The following ZFP69 variants were observed in gnomAD, a reference collection of about 807,000 sequenced individuals.
The protein encoded by ZFP69 is zinc finger protein 69 homolog.
In ZFP69, 35 loss-of-function variants were observed where a neutral mutation model predicts 48.9. The ratio of observed to expected loss-of-function variants is 0.72; its 90% CI spans 0.55 to 0.95. The LOEUF (loss-of-function observed/expected upper bound fraction) is 0.95, where lower values mean the gene tolerates loss of function less well. Among genes scored for constraint, ZFP69 ranks in the 40% least tolerant of loss-of-function variants. ZFP69 has a pLI of 0.00. For missense variants in ZFP69, 557 were observed against 638.4 expected (o/e 0.87, Z 1.37); for synonymous variants, 193 against 216.8 (o/e 0.89, Z 0.96).
chr1:40,495,165 T>C lies in ZFP69; in HGVS notation c.687T>C (p.Asn229=). Residue 229 remains asparagine (N), a synonymous_variant, in exon 6 of 6, where the codon AAT becomes AAC. Coordinates refer to ENST00000372706, the MANE Select transcript of ZFP69 (RefSeq NM_001320179.2). ...AAGAAACTAACAAATTTGGGGAAAA[T>C]ATCATTGTGCATTCAAATGTTATTA... ...RVQETNKFGE[N]IIVHSNVIIE... is the part of the protein sequence containing the mutation. The C allele has an allele frequency of 1.9e-6, 3 of 1,614,072 alleles. No homozygotes were observed. The highest frequency in any genetic ancestry group is 2.5e-6 in the Non-Finnish European group (3 of 1,180,010).
In ZFP69 at chr1:40,495,364, G is replaced by A; in HGVS notation, c.886G>A (p.Glu296Lys). The change falls in exon 6 of 6, where the codon GAG becomes AAG. Residue 296 changes from glutamate (E) to lysine (K), a missense_variant. Transcript: ENST00000372706. The part of the protein sequence containing the change: ...LTEHMRIHTG[E>K]KPFRCKECGR... The stretch of plus-strand genomic sequence containing the variant: ...TGAACATATGAGAATTCATACTGGT[G>A]AGAAACCTTTCAGATGTAAGGAATG... The A allele has an allele frequency of 1.2e-6, 2 of 1,614,192 alleles. No homozygotes were observed. The highest frequency in any genetic ancestry group is 1.7e-6 in the Non-Finnish European group (2 of 1,180,042).
At chr1:40,480,468 T>TC (rs1053754248) in intron 2 of ZFP69, among the ~76,000 whole-genome samples, 3 of 151,994 alleles carry the variant, frequency 2.0e-5, no homozygotes, top group Admixed American at 6.6e-5. Flanking sequence ...GATAGCAGTT[T>TC]TTTTTTTATT....
rs2124435888 is a variant in ZFP69, at chr1:40,477,771, G to T, written c.-450G>T. On this transcript the variant is annotated 5_prime_UTR_variant, in exon 1 of 6. Coordinates refer to ENST00000372706, the MANE Select transcript of ZFP69 (RefSeq NM_001320179.2). This position sits in a 1 kb window ranked among gnomAD's most constrained non-coding sequence, Gnocchi z 4.0. ...ATGTGGTCTGTCTATAAAAGGCCGGGAGGGAACAATATCTGTTACCACTCA... is the reference window on the plus strand; with the variant it reads ...ATGTGGTCTGTCTATAAAAGGCCGGTAGGGAACAATATCTGTTACCACTCA... 1 of 152,276 alleles carries T rather than the reference G, an allele frequency of 6.6e-6. No homozygotes were observed. Among genetic ancestry groups the T allele is most frequent in the South Asian group, 2.1e-4 (1 of 4,820 alleles). The allele number at this position is 152,276 out of a possible 1,614,324, so 9.4% of individuals were successfully genotyped here. A position where few individuals can be genotyped will look rare whatever the true frequency, so the allele number is the denominator to read the frequency against.
At position 40,496,131 on chromosome 1, in the gene ZFP69, C is replaced by CAGTGT; in HGVS notation, c.*72_*73insAGTGT. ...TTTAGAGTGCTTTAAAATTTCAGGACTCAGATATGAGGAATTGATGTAATG... is the reference window on the plus strand; with the variant it reads ...TTTAGAGTGCTTTAAAATTTCAGGACAGTGTTCAGATATGAGGAATTGATGTAATG... On this transcript the variant is annotated 3_prime_UTR_variant, in exon 6 of 6. Transcript: ENST00000372706. The CAGTGT allele has an allele frequency of 1.2e-5, 18 of 1,456,134 alleles. No individual in the cohort carries two copies. Among genetic ancestry groups the CAGTGT allele is most frequent in the Non-Finnish European group, 1.7e-5 (18 of 1,087,650 alleles). 90.2% of individuals were successfully genotyped at this position (1,456,134 alleles called of 1,614,324 possible). A position where few individuals can be genotyped will look rare whatever the true frequency, so the allele number is the denominator to read the frequency against.
At position 40,492,496 on chromosome 1, in the gene ZFP69, G is replaced by C. The variant is rs1395781156; in HGVS notation, c.443-2425G>C. Among the ~76,000 whole-genome samples the C allele has an allele frequency of 2.0e-5, 3 of 151,648 alleles. No homozygotes were observed. The East Asian group carries it at 5.8e-4, about 29-fold the overall frequency. Reference sequence around the variant, plus strand: ...TTTTCTGTCCTTACTCTAATGCCAGGCTGTCTTAAAAACTGTATCTCATAA... The same window carrying C: ...TTTTCTGTCCTTACTCTAATGCCAGCCTGTCTTAAAAACTGTATCTCATAA... On this transcript the variant is annotated intron_variant, in intron 5 of 5. Coordinates refer to ENST00000372706, the MANE Select transcript of ZFP69 (RefSeq NM_001320179.2).
In ZFP69 at chr1:40,489,573, G is replaced by C; in HGVS notation, c.391G>C (p.Gly131Arg). The change falls in exon 5 of 6, where the codon GGA becomes CGA. Residue 131 changes from glycine (G) to arginine (R), a missense_variant. Physicochemically the swap from Gly to Arg is moderately radical, Grantham distance 125. Coordinates refer to ENST00000372706, the MANE Select transcript of ZFP69 (RefSeq NM_001320179.2). ...KPSVISQLEK[G>R]EEPWMAEKEG... ...TAGTGTGATATCCCAGTTAGAGAAA[G>C]GAGAAGAGCCATGGATGGCAGAGAA... is the stretch of plus-strand genomic sequence containing the variant. The C allele has an allele frequency of 6.2e-7, 1 of 1,613,744 alleles. No individual in the cohort carries two copies.
intron 5 of ZFP69, 77 bp downstream of exon 5, chr1:40,489,701 A>G (rs991906501): frequency 1.8e-6 from 2 of 1,095,880 alleles, no homozygotes; most frequent in African/African-American, 3.2e-5. Flanking sequence ...TAAAGAAAAG[A>G]AGTTTAATTG....
chr1:40,491,763 ATG>A (rs1553129549), intron 5 of ZFP69, among the ~76,000 whole-genome samples: 70 of 129,428 alleles, frequency 5.4e-4, no homozygotes, highest in Admixed American at 8.3e-4. Context: ...GTGTGTGTGT[ATG>A]TGTGTGTGTG....
chr1:40,493,271 T>C (rs1645587978), intron 5 of ZFP69: 1 of 151,846 alleles, frequency 6.6e-6, no homozygotes, highest in South Asian at 2.1e-4. Flanking sequence ...AATAACAAAA[T>C]TGATTTTGAA....
rs56706952 is a variant in ZFP69 at position 40,483,226 on chromosome 1, A to ATTTTTTTTTTTTTTTTTTTTTTTTTTTT, written c.219+1392_219+1393insTTTTTTTTTTTTTTTTTTTTTTTTTTTT. On this transcript the variant is annotated intron_variant, in intron 3 of 5. Coordinates refer to ENST00000372706, the MANE Select transcript of ZFP69 (RefSeq NM_001320179.2). ...AAAATCAAACCATACACCTTTTTTA[A>ATTTTTTTTTTTTTTTTTTTTTTTTTTTT]TTTTTTTTTTTTTTTTTTTTAGAGA... is the stretch of plus-strand genomic sequence containing the variant. 4.3e-5 allele frequency among the ~76,000 whole-genome samples: 5 copies of ATTTTTTTTTTTTTTTTTTTTTTTTTTTT among 116,960 alleles called. 1 individual carries two copies. Among genetic ancestry groups the ATTTTTTTTTTTTTTTTTTTTTTTTTTTT allele is most frequent in the African/African-American group, 1.5e-4 (4 of 27,264 alleles). 76.7% of individuals were successfully genotyped at this position (116,960 alleles called of 152,430 possible).
At chr1:40,492,829 A>G (rs1645582423) in intron 5 of ZFP69, among the ~76,000 whole-genome samples, 1 of 152,102 alleles carries the variant, frequency 6.6e-6, no homozygotes, top group Admixed American at 6.6e-5. Flanking sequence ...TTTTTGTTAG[A>G]TTGATTCTGA....
At chr1:40,478,842 C>T (rs767838411) in intron 1 of ZFP69, among the ~76,000 whole-genome samples, 194 bp from the exon 2 acceptor site, 20 of 152,040 alleles carry the variant, frequency 1.3e-4, no homozygotes, top group Non-Finnish European at 2.6e-4. Context: ...CCGTCTGTGT[C>T]CAGGCAGAAG....
chr1:40,492,909 G>A (rs771456223), intron 5 of ZFP69, among the ~76,000 whole-genome samples: 12 of 152,106 alleles, frequency 7.9e-5, no homozygotes, highest in Admixed American at 5.9e-4. Flanking sequence ...CCTCAGTCGT[G>A]AACAGGTATA....
Position 40,479,096 on chromosome 1 carries a change from A to C in ZFP69, c.-266A>C. The C allele has an allele frequency of 2.9e-6, 1 of 350,652 alleles. No homozygotes were observed. The highest frequency in any genetic ancestry group is 5.4e-6 in the Non-Finnish European group (1 of 186,074). The allele number at this position is 350,652 out of a possible 1,614,324, so 21.7% of individuals were successfully genotyped here. A position where few individuals can be genotyped will look rare whatever the true frequency, so the allele number is the denominator to read the frequency against. ...CTCTTCCCTTCCCTTTTGCTCCTCT[A>C]AAGAGTATGGAGACATGAACTCAAA... On this transcript the variant is annotated 5_prime_UTR_variant, in exon 2 of 6. Coordinates refer to ENST00000372706, the MANE Select transcript of ZFP69 (RefSeq NM_001320179.2).
chr1:40,491,500 A>G (rs1343553474), intron 5 of ZFP69, among the ~76,000 whole-genome samples: 1 of 152,204 alleles, frequency 6.6e-6, no homozygotes, highest in East Asian at 1.9e-4. Flanking sequence ...GAGTTTCCAT[A>G]ACTCAGCATC....
intron 5 of ZFP69, among the ~76,000 whole-genome samples, chr1:40,494,256 ATTTTTTTTTTTTT>A (rs11286167): frequency 2.5e-4 from 13 of 52,032 alleles, no homozygotes; most frequent in Non-Finnish European, 2.0e-4. Context: ...AAGATTCAAA[ATTTTTTTTTTTTT>A]TTTTTTTTTT....
At chr1:40,493,528 C>T (rs1430448379) in intron 5 of ZFP69, 1 of 152,148 alleles carries the variant, frequency 6.6e-6, no homozygotes. Context: ...ATAATAAAAA[C>T]TCCCAACTTC....
In ZFP69 at chr1:40,481,414, C is replaced by G. The variant is rs960979362; in HGVS notation, c.128-349C>G. ...ATTTTTCCTTCTTGTCAGTGGGGAA[C>G]CTTTGAGGATTTTTGAACAAAGGAG... is the stretch of plus-strand genomic sequence containing the variant. On this transcript the variant is annotated intron_variant, in intron 2 of 5. Transcript: ENST00000372706. Among the ~76,000 whole-genome samples the G allele has an allele frequency of 4.6e-5, 7 of 152,132 alleles. 1 individual carries two copies. The South Asian group carries it at 1.2e-3, about 27-fold the overall frequency.
chr1:40,481,386 T>C (rs1645441632), intron 2 of ZFP69, among the ~76,000 whole-genome samples: 1 of 152,178 alleles, frequency 6.6e-6, no homozygotes, highest in Admixed American at 6.5e-5. Flanking sequence ...GTGAAGTGTT[T>C]GGATTTTTCC....
Sources: gnomAD v4.1 joint callset for allele counts (sites outside exome capture counted in the v4.1 genomes callset) on GRCh38, gnomAD v4.1.1 for gene constraint, Gnocchi (gnomAD v3.1) non-coding constraint, MANE v1.5 for transcripts, NCBI Gene and HGNC (gene_info 2026-07-23, HGNC 2026-07-21) for gene names.